TAOK3: variants seen among roughly 807,000 people sequenced by gnomAD.
TAOK3 encodes TAO kinase 3.
A neutral mutation model predicts 120.4 loss-of-function variants in TAOK3; 40 were observed. That is an observed-to-expected ratio of 0.33 (90% CI 0.26 to 0.43). The LOEUF (loss-of-function observed/expected upper bound fraction) is 0.43, where lower values mean the gene tolerates loss of function less well. Among genes scored for constraint, TAOK3 ranks in the 20% least tolerant of loss-of-function variants. The pLI is 1.00. For synonymous variants in TAOK3, 355 were observed against 387.5 expected (o/e 0.92, Z 0.99); for missense variants, 821 against 1,112.1 (o/e 0.74, Z 3.72).
At chr12:118,336,993 G>A (rs2044395443) in intron 1 of TAOK3, among the ~76,000 whole-genome samples, 1 of 152,200 alleles carries the variant, frequency 6.6e-6, no homozygotes, top group African/African-American at 2.4e-5. Context: ...CTGGGAGGCA[G>A]AGGTTGCAGT....
intron 17 of TAOK3, among the ~76,000 whole-genome samples, chr12:118,169,546 A>C (rs544494783): frequency 2.8e-5 from 4 of 142,252 alleles, no homozygotes; most frequent in Non-Finnish European, 6.2e-5. Flanking sequence ...CCTGACCTCA[A>C]GTGATCCGCC....
At position 118,150,809 on chromosome 12, in the gene TAOK3, G is replaced by C. The variant is rs1400393076; in HGVS notation, c.*188C>G. On this transcript the variant is annotated 3_prime_UTR_variant, in exon 21 of 21. Transcript: ENST00000392533. ...TGGCCAGCACTGAAAGTTGACACGG[G>C]GGGAGGAAGGGGGCCCCTGATGGAG... 6.5e-6 allele frequency: 4 copies of C among 612,370 alleles called. No homozygotes were observed. Among genetic ancestry groups the C allele is most frequent in the African/African-American group, 3.7e-5 (2 of 54,156 alleles). 37.9% of individuals were successfully genotyped at this position (612,370 alleles called of 1,614,324 possible).
intron 9 of TAOK3, among the ~76,000 whole-genome samples, chr12:118,217,156 G>A (rs2038948711): frequency 6.6e-6 from 1 of 152,064 alleles, no homozygotes; most frequent in Admixed American, 6.6e-5. Context: ...TCAAAAAACA[G>A]AACAAGGCTA....
chr12:118,260,164 T>C (rs2041163266), intron 2 of TAOK3, among the ~76,000 whole-genome samples: 1 of 152,178 alleles, frequency 6.6e-6, no homozygotes, highest in Non-Finnish European at 1.5e-5. Flanking sequence ...GGTCTTGCTC[T>C]GTCACCCAGG....
intron 1 of TAOK3, among the ~76,000 whole-genome samples, chr12:118,268,149 A>C (rs967237095): frequency 2.6e-5 from 4 of 152,158 alleles, no homozygotes; most frequent in Non-Finnish European, 4.4e-5. Flanking sequence ...GCTGCAATTC[A>C]TTCACAACCA....
intron 2 of TAOK3, among the ~76,000 whole-genome samples, chr12:118,260,568 A>G (rs1593329614): frequency 6.6e-6 from 1 of 152,220 alleles, no homozygotes; most frequent in East Asian, 1.9e-4. Context: ...ACATTAAAAC[A>G]TTTAATACAG....
At chr12:118,361,152 G>T (rs2045585135) in intron 1 of TAOK3, among the ~76,000 whole-genome samples, 1 of 152,114 alleles carries the variant, frequency 6.6e-6, no homozygotes, top group Admixed American at 6.5e-5. Context: ...TTTCTCAAGG[G>T]ATAATGCCCC....
chr12:118,316,575 C>A (rs974681632), intron 1 of TAOK3, among the ~76,000 whole-genome samples: 39 of 152,014 alleles, frequency 2.6e-4, no homozygotes, highest in African/African-American at 9.2e-4. Context: ...TAGATTCTCT[C>A]TCTTTTTTTT....
chr12:118,317,298 ATTTTT>A (rs950745966), intron 1 of TAOK3, among the ~76,000 whole-genome samples: 1 of 126,056 alleles, frequency 7.9e-6, no homozygotes, highest in Non-Finnish European at 1.7e-5. Context: ...CGCTGGGAGA[ATTTTT>A]TTTTTTTTTT....
At chr12:118,243,902 C>T (rs1277278250) in intron 4 of TAOK3, among the ~76,000 whole-genome samples, 2 of 152,162 alleles carry the variant, frequency 1.3e-5, no homozygotes, top group African/African-American at 4.8e-5. Flanking sequence ...TGGTCTCGAA[C>T]TCCTGACCTC....
At chr12:118,299,974 T>A (rs2042820161) in intron 1 of TAOK3, among the ~76,000 whole-genome samples, 1 of 152,218 alleles carries the variant, frequency 6.6e-6, no homozygotes, top group Non-Finnish European at 1.5e-5. Flanking sequence ...TTTGGCTTTC[T>A]TCTCCTTCCC....
At chr12:118,355,916 C>G (rs1168277312) in intron 1 of TAOK3, among the ~76,000 whole-genome samples, 1 of 152,130 alleles carries the variant, frequency 6.6e-6, no homozygotes, top group Non-Finnish European at 1.5e-5. Context: ...GGGATTTGTG[C>G]AAAGTCACAA....
intron 19 of TAOK3, 25 bp from the exon 20 acceptor site, chr12:118,152,434 G>A (rs947233567): frequency 1.9e-6 from 3 of 1,588,938 alleles, no homozygotes; most frequent in Admixed American, 3.4e-5. Flanking sequence ...GACACACACG[G>A]TCATGCACCC....
intron 1 of TAOK3, among the ~76,000 whole-genome samples, chr12:118,282,511 T>C (rs1346058487): frequency 6.6e-6 from 1 of 152,200 alleles, no homozygotes; most frequent in East Asian, 1.9e-4. Flanking sequence ...TAAGTACTAA[T>C]GAAAATCATC....
intron 11 of TAOK3, among the ~76,000 whole-genome samples, chr12:118,209,042 A>C (rs548502897): frequency 6.6e-6 from 1 of 152,238 alleles, no homozygotes; most frequent in South Asian, 2.1e-4. Flanking sequence ...TTATACAGGG[A>C]CAAAATGCCA....
At chr12:118,174,699 G>A (rs2036214173) in intron 16 of TAOK3, among the ~76,000 whole-genome samples, 1 of 152,046 alleles carries the variant, frequency 6.6e-6, no homozygotes, top group Admixed American at 6.6e-5. Flanking sequence ...GTCTTACTCT[G>A]TTGCCCAGGC....
intron 1 of TAOK3, chr12:118,295,448 C>T (rs925148283): frequency 6.6e-6 from 1 of 152,122 alleles, no homozygotes; most frequent in Non-Finnish European, 1.5e-5. Context: ...TGTTTCTGAC[C>T]TTGGTCGGTA....
At position 118,168,678 on chromosome 12, in the gene TAOK3, G is replaced by A. The variant is rs573053498; in HGVS notation, c.1899+3779C>T. ...GACTTTTAAGAAAAATACTCTTACA[G>A]AGTTATTTTTTGCTCAACTGGCTAG... On this transcript the variant is annotated intron_variant, in intron 17 of 20. Transcript: ENST00000392533. 7.9e-5 allele frequency among the ~76,000 whole-genome samples: 12 copies of A among 152,248 alleles called. No individual in the cohort carries two copies. In the East Asian group the frequency reaches 2.3e-3, roughly 29 times the overall value.
At chr12:118,239,111 C>A in intron 6 of TAOK3, 116 bp downstream of exon 6, 2 of 707,000 alleles carry the variant, frequency 2.8e-6, no homozygotes, top group East Asian at 2.7e-5. Context: ...ATCCACACCA[C>A]CCTAAAGCTC....
Sources: gnomAD v4.1 joint callset for allele counts (sites outside exome capture counted in the v4.1 genomes callset) on GRCh38, gnomAD v4.1.1 for gene constraint, MANE v1.5 for transcripts, NCBI Gene and HGNC (gene_info 2026-07-23, HGNC 2026-07-21) for gene names.